The following RESP18 variants were observed in gnomAD, a reference collection of about 807,000 sequenced individuals.
RESP18 encodes regulated endocrine specific protein 18.
Under a neutral mutation model 30.0 loss-of-function variants are expected in RESP18, and 30 were observed. That is an observed-to-expected ratio of 1.00 (90% CI 0.75 to 1.36). RESP18 has a LOEUF of 1.36. Ranked by LOEUF, RESP18 falls within the 40% of genes most tolerant of loss-of-function variation. The probability of loss-of-function intolerance (pLI) is 0.00; values close to 1 mark genes in which losing one functional copy is unlikely to be tolerated. For synonymous variants in RESP18, 117 were observed against 111.2 expected (o/e 1.05, Z -0.33); for missense variants, 320 against 284.2 (o/e 1.13, Z -0.91).
chr2:219,329,114 T>G (rs750132374), intron 5 of RESP18, 49 bp downstream of exon 4: 18 of 1,509,914 alleles, frequency 1.2e-5, no homozygotes, highest in African/African-American at 4.2e-5. Context: ...CCTATCTGCC[T>G]CCCTCATTTA....
rs1361894131 is a variant in RESP18 at position 219,329,104 on chromosome 2, C to T, written c.555+59G>A. 3.3e-6 allele frequency: 5 copies of T among 1,498,154 alleles called. No individual in the cohort carries two copies. In the East Asian group the frequency reaches 9.8e-5, roughly 29 times the overall value. The allele number at this position is 1,498,154 out of a possible 1,614,324, so 92.8% of individuals were successfully genotyped here. A position where few individuals can be genotyped will look rare whatever the true frequency, so the allele number is the denominator to read the frequency against. On this transcript the variant is annotated intron_variant, in intron 5 of 6. Coordinates refer to ENST00000333527, the MANE Select transcript of RESP18 (RefSeq NM_001007089.4). The stretch of plus-strand genomic sequence containing the variant: ...TCACCTCAATGCCCATTCCCTTCTT[C>T]CTATCTGCCTCCCTCATTTAAACAG...
Position 219,330,754 on chromosome 2 carries a change from C to G in RESP18, c.337+17G>C, listed in dbSNP as rs528565827. The G allele has an allele frequency of 1.3e-6, 2 of 1,509,712 alleles. No individual in the cohort carries two copies. The highest frequency in any genetic ancestry group is 1.8e-6 in the Non-Finnish European group (2 of 1,110,134). 93.5% of individuals were successfully genotyped at this position (1,509,712 alleles called of 1,614,324 possible). On this transcript the variant is annotated intron_variant, in intron 3 of 6. Transcript: ENST00000333527. ...CTCTAACCAGGCCCCAACCTCTGTT[C>G]TCCAGCTTTTACTTACCTTGGGGTA... is the stretch of plus-strand genomic sequence containing the variant.
chr2:219,332,281 T>A (rs1395510673), intron 2 of RESP18, among the ~76,000 whole-genome samples: 1 of 152,194 alleles, frequency 6.6e-6, no homozygotes. Flanking sequence ...TTTGTCTTTC[T>A]GACCTCTTCC....
Position 219,327,561 on chromosome 2 carries a change from G to T in RESP18, c.643C>A (p.Leu215Ile), listed in dbSNP as rs185119836. The T allele has an allele frequency of 3.2e-6, 5 of 1,551,508 alleles. No individual in the cohort carries two copies. The East Asian group carries it at 1.2e-4, about 38-fold the overall frequency. The change falls in exon 7 of 7, where the codon CTT (leucine) becomes ATT (isoleucine). Residue 215 changes from leucine (L) to isoleucine (I), a missense_variant and splice_region_variant. By Grantham distance (5) the Leu-to-Ile change is conservative. Transcript: ENST00000333527. ...CCACAGTAGGAAGTGGCCCAGAGAA[G>T]CCCTAAAACAAGAAGAAACAAGGGA...
chr2:219,330,566 G>T (rs1433418553), intron 3 of RESP18, among the ~76,000 whole-genome samples: 3 of 151,162 alleles, frequency 2.0e-5, no homozygotes, highest in Non-Finnish European at 4.4e-5. Flanking sequence ...CCTTTACTGG[G>T]CTCTTCCAAG....
Position 219,330,868 on chromosome 2 carries a change from CT to C in RESP18, c.239del (p.Gln80ArgfsTer4). On this transcript the variant is annotated frameshift_variant, in exon 3 of 7. Coordinates refer to ENST00000333527, the MANE Select transcript of RESP18 (RefSeq NM_001007089.4). LOFTEE classifies it high-confidence loss of function. The stretch of plus-strand genomic sequence containing the variant: ...AAAGCTGCCCCACTCCTACTTGGTC[CT>C]GACCATCTAAGGGCAAAATAGTGGT... The C allele has an allele frequency of 6.5e-7, 1 of 1,550,368 alleles. No individual in the cohort carries two copies. The highest frequency in any genetic ancestry group is 1.4e-5 in the African/African-American group (1 of 73,106).
chr2:219,330,319 C>G (rs1157665549), intron 3 of RESP18, among the ~76,000 whole-genome samples: 3 of 152,032 alleles, frequency 2.0e-5, no homozygotes, highest in African/African-American at 7.2e-5. Flanking sequence ...TCATGAAACT[C>G]TGCTGTGAGA....
intron 5 of RESP18, 48 bp downstream of exon 4, chr2:219,329,115 C>G: frequency 1.3e-6 from 2 of 1,512,304 alleles, no homozygotes; most frequent in Non-Finnish European, 1.8e-6. Context: ...CTATCTGCCT[C>G]CCTCATTTAA....
At position 219,329,252 on chromosome 2, in the gene RESP18, TCTGTGAGGAGG is replaced by T; in HGVS notation, c.466-11_466-1del. The T allele has an allele frequency of 6.4e-7, 1 of 1,551,612 alleles. No homozygotes were observed. Among genetic ancestry groups the T allele is most frequent in the East Asian group, 2.4e-5 (1 of 40,912 alleles). On this transcript the variant is annotated splice_acceptor_variant and splice_polypyrimidine_tract_variant and intron_variant, in intron 4 of 6. Coordinates refer to ENST00000333527, the MANE Select transcript of RESP18 (RefSeq NM_001007089.4). LOFTEE classifies it high-confidence loss of function. The stretch of plus-strand genomic sequence containing the variant: ...TCCCTGTTCACCTTGGCCAGGGGGC[TCTGTGAGGAGG>T]GAAACCAGGAGTCAAGGAGGAGGCA...
intron 3 of RESP18, 68 bp from the exon 3 acceptor site, chr2:219,329,832 T>C: frequency 6.8e-7 from 1 of 1,461,104 alleles, no homozygotes; most frequent in Non-Finnish European, 9.3e-7. Flanking sequence ...GGGATCAGAG[T>C]AACCTTTCTC....
At chr2:219,327,627 G>T in intron 6 of RESP18, 64 bp from the exon 6 acceptor site, 4 of 1,354,170 alleles carry the variant, frequency 3.0e-6, no homozygotes, top group Non-Finnish European at 3.1e-6. Flanking sequence ...TCCCTCATCT[G>T]CCCTCCTTCC....
chr2:219,327,568 A>G lies in RESP18; in HGVS notation c.641-5T>C. On this transcript the variant is annotated splice_polypyrimidine_tract_variant and splice_region_variant and intron_variant, in intron 6 of 6. Coordinates refer to ENST00000333527, the MANE Select transcript of RESP18 (RefSeq NM_001007089.4). ...AGGAAGTGGCCCAGAGAAGCCCTAAAACAAGAAGAAACAAGGGAGCTAGAG... is the reference window on the plus strand; with the variant it reads ...AGGAAGTGGCCCAGAGAAGCCCTAAGACAAGAAGAAACAAGGGAGCTAGAG... 1 of 1,551,328 alleles carries G rather than the reference A, an allele frequency of 6.4e-7. No individual in the cohort carries two copies. Among genetic ancestry groups the G allele is most frequent in the Non-Finnish European group, 8.7e-7 (1 of 1,146,704 alleles).
chr2:219,330,958 T>G, intron 2 of RESP18, 83 bp from the exon 2 acceptor site: 2 of 796,506 alleles, frequency 2.5e-6, no homozygotes, highest in Non-Finnish European at 4.3e-6. Context: ...TTCCTTGTAC[T>G]GTCACTCCTG....
At chr2:219,327,632 C>T (rs1191859396) in intron 6 of RESP18, 69 bp from the exon 6 acceptor site, 5 of 1,316,552 alleles carry the variant, frequency 3.8e-6, no homozygotes, top group Admixed American at 4.0e-5. Flanking sequence ...CATCTGCCCT[C>T]CTTCCACAAA....
chr2:219,331,523 T>C (rs1210251448), intron 2 of RESP18, among the ~76,000 whole-genome samples: 1 of 152,204 alleles, frequency 6.6e-6, no homozygotes, highest in African/African-American at 2.4e-5. Context: ...CCCAGTCAAA[T>C]GGATGTCTAA....
intron 1 of RESP18, 139 bp from the exon 1 acceptor site, chr2:219,332,883 A>C (rs926323683): frequency 1.4e-6 from 1 of 739,606 alleles, no homozygotes; most frequent in Non-Finnish European, 2.2e-6. Context: ...GCTGGGTCCC[A>C]AGAACCACCG....
Position 219,329,118 on chromosome 2 carries a change from T to C in RESP18, c.555+45A>G, listed in dbSNP as rs1574947698. The C allele has an allele frequency of 5.3e-6, 8 of 1,518,828 alleles. No individual in the cohort carries two copies. In the East Asian group the frequency reaches 2.0e-4, roughly 37 times the overall value. The allele number at this position is 1,518,828 out of a possible 1,614,324, so 94.1% of individuals were successfully genotyped here. ...ATTCCCTTCTTCCTATCTGCCTCCC[T>C]CATTTAAACAGGTCCAACCTCCCTA... On this transcript the variant is annotated intron_variant, in intron 5 of 6. Transcript: ENST00000333527.
rs1434053014 is a variant in RESP18, at chr2:219,330,793, C to T, written c.315G>A (p.Val105=). The T allele has an allele frequency of 1.3e-6, 2 of 1,550,860 alleles. No homozygotes were observed. The highest frequency in any genetic ancestry group is 2.0e-5 in the Admixed American group (1 of 50,982). ...TACCTTGGGGTATAATCTGCTGGAG[C>T]ACAACCTGTAAATGCTGGAAGACTG... is the stretch of plus-strand genomic sequence containing the variant. The change falls in exon 3 of 7, where the codon GTG becomes GTA. Residue 105 remains valine (V), a synonymous_variant. Coordinates refer to ENST00000333527, the MANE Select transcript of RESP18 (RefSeq NM_001007089.4).
intron 1 of RESP18, among the ~76,000 whole-genome samples, 189 bp from the exon 1 acceptor site, chr2:219,332,933 C>T (rs992514192): frequency 2.6e-5 from 4 of 152,020 alleles, no homozygotes; most frequent in Admixed American, 2.0e-4. Context: ...ACGGATGGCA[C>T]GTAAGATACG....
Sources: allele counts gnomAD v4.1 joint callset (sites outside exome capture counted in the v4.1 genomes callset), GRCh38; gene constraint gnomAD v4.1.1; transcripts MANE v1.5; gene names NCBI Gene and HGNC (gene_info 2026-07-23, HGNC 2026-07-21).